Variants in ANO4 observed in about 807,000 individuals in gnomAD.
ANO4 encodes anoctamin-4.
In ANO4, 69 loss-of-function variants were observed where a neutral mutation model predicts 141.9. That is an observed-to-expected ratio of 0.49 (90% CI 0.40 to 0.59). The LOEUF is 0.59. ANO4 is among the 20% of genes least tolerant of loss of function. The pLI, the probability that ANO4 is intolerant of heterozygous loss-of-function variation, is 0.00. For missense variants in ANO4, 894 were observed against 1,162.2 expected, an observed-to-expected ratio of 0.77 and a Z score of 3.36; for synonymous variants, 350 against 394.3, an observed-to-expected ratio of 0.89 and a Z score of 1.33.
chr12:100,960,260 G>GCACACACA (rs56705970), intron 5 of ANO4, among the ~76,000 whole-genome samples: 2 of 149,896 alleles, frequency 1.3e-5, no homozygotes, highest in South Asian at 2.1e-4. Flanking sequence ...TCACACACAC[G>GCACACACA]CACACACACA....
In ANO4 at chr12:101,127,067, G is replaced by A. The variant is rs779812218; in HGVS notation, c.2865G>A (p.Pro955=). The A allele has an allele frequency of 2.1e-5, 34 of 1,611,864 alleles. No individual in the cohort carries two copies. The highest frequency in any genetic ancestry group is 6.7e-5 in the African/African-American group (5 of 74,874). Reference sequence around the variant, plus strand: ...GAAAAGCACACCACAACGAGTGGCCGTGACCATGTAGGTGAGAGGTGTGCT... The same window carrying A: ...GAAAAGCACACCACAACGAGTGGCCATGACCATGTAGGTGAGAGGTGTGCT... ...KNGKAHHNEW[P] is the part of the protein sequence containing the mutation. The change falls in exon 27 of 28, where the codon CCG becomes CCA. Residue 955 remains proline, a synonymous_variant. Transcript: ENST00000392977.
At chr12:100,801,153 G>A (rs2034664285) in intron 1 of ANO4, among the ~76,000 whole-genome samples, 1 of 151,816 alleles carries the variant, frequency 6.6e-6, no homozygotes, top group Non-Finnish European at 1.5e-5. Context: ...CTTGAGGGCA[G>A]GGACTATATG....
At chr12:100,926,639 T>A (rs2041884431) in intron 3 of ANO4, among the ~76,000 whole-genome samples, 1 of 151,888 alleles carries the variant, frequency 6.6e-6, no homozygotes, top group Non-Finnish European at 1.5e-5. Context: ...TTTGTTTCTT[T>A]TCGTTGATGT....
At chr12:100,806,583 C>T (rs1366153717) in intron 1 of ANO4, among the ~76,000 whole-genome samples, 1 of 105,804 alleles carries the variant, frequency 9.5e-6, no homozygotes, top group East Asian at 3.4e-4. Context: ...CTCGCTCTGT[C>T]ACCCAGGCTG....
At chr12:100,900,785 G>A (rs929311641) in intron 1 of ANO4, among the ~76,000 whole-genome samples, 1 of 152,146 alleles carries the variant, frequency 6.6e-6, no homozygotes, top group Non-Finnish European at 1.5e-5. Context: ...TTCTTCTGTA[G>A]TGAAGAATTT....
chr12:100,894,742 G>A (rs821856), intron 1 of ANO4, among the ~76,000 whole-genome samples: 47,230 of 151,618 alleles, frequency 0.31, 7,593 homozygotes, highest in East Asian at 0.53. Flanking sequence ...CGAGGCGGGC[G>A]GATCACGAGG....
intron 3 of ANO4, among the ~76,000 whole-genome samples, chr12:100,938,995 A>C (rs779100683): frequency 1.3e-5 from 2 of 152,210 alleles, no homozygotes; most frequent in Non-Finnish European, 2.9e-5. Context: ...CTTAAATCAA[A>C]GTACCTTATG....
At chr12:100,997,344 A>AAAG in intron 8 of ANO4, among the ~76,000 whole-genome samples, 1 of 151,520 alleles carries the variant, frequency 6.6e-6, no homozygotes, top group East Asian at 1.9e-4. Flanking sequence ...AAAAAAAAAA[A>AAAG]AAAAAAAGTG....
intron 3 of ANO4, among the ~76,000 whole-genome samples, chr12:100,925,846 T>C (rs4764772): frequency 0.31 from 46,030 of 148,180 alleles, 7,468 homozygotes; most frequent in South Asian, 0.46. Context: ...TACATATATA[T>C]ACACACACAC....
intron 1 of ANO4, among the ~76,000 whole-genome samples, chr12:100,821,847 G>A (rs2036072285): frequency 6.6e-6 from 1 of 151,976 alleles, no homozygotes. Flanking sequence ...GGCTGACATT[G>A]CCGTAGTATT....
intron 15 of ANO4, among the ~76,000 whole-genome samples, chr12:101,080,022 C>T (rs2049182620): frequency 6.6e-6 from 1 of 152,220 alleles, no homozygotes; most frequent in African/African-American, 2.4e-5. Context: ...CCACTCTCCT[C>T]CCTCTCGTTC....
intron 5 of ANO4, among the ~76,000 whole-genome samples, chr12:100,958,125 T>C (rs1488805322): frequency 6.6e-6 from 1 of 152,216 alleles, no homozygotes; most frequent in African/African-American, 2.4e-5. Context: ...CTTTGACTTA[T>C]TTGCCGGGCA....
intron 6 of ANO4, among the ~76,000 whole-genome samples, chr12:100,972,977 A>G (rs1053104915): frequency 6.6e-6 from 1 of 152,252 alleles, no homozygotes; most frequent in Non-Finnish European, 1.5e-5. Context: ...CACAGCAGAA[A>G]TGTGCTGCCT....
chr12:100,820,457 C>T (rs916497555), intron 1 of ANO4, among the ~76,000 whole-genome samples: 5 of 151,292 alleles, frequency 3.3e-5, no homozygotes, highest in Non-Finnish European at 7.4e-5. Context: ...TTTTTAAAAA[C>T]TCTGTGTTGA....
intron 2 of ANO4, among the ~76,000 whole-genome samples, chr12:100,734,295 G>A (rs531905133): frequency 1.3e-5 from 2 of 152,314 alleles, no homozygotes; most frequent in East Asian, 3.9e-4. Context: ...TTAGAGTGCT[G>A]CTGAAAATCA....
In ANO4 at chr12:101,077,379, A is replaced by G. The variant is rs559052931; in HGVS notation, c.1313-1814A>G. Among the ~76,000 whole-genome samples the G allele has an allele frequency of 4.6e-5, 7 of 152,306 alleles. No homozygotes were observed. In the South Asian group the frequency reaches 1.0e-3, roughly 23 times the overall value. On this transcript the variant is annotated intron_variant, in intron 14 of 27. Transcript: ENST00000392977. The stretch of plus-strand genomic sequence containing the variant: ...ACTGTAATAAATCTTAGCCATCAGT[A>G]CAACTGTATTCTGTGTCCTGTGAAT...
At position 101,120,516 on chromosome 12, in the gene ANO4, A is replaced by G. The variant is rs769544842; in HGVS notation, c.2571-4A>G. The G allele has an allele frequency of 1.2e-6, 2 of 1,612,404 alleles. No individual in the cohort carries two copies. Among genetic ancestry groups the G allele is most frequent in the Non-Finnish European group, 1.7e-6 (2 of 1,178,624 alleles). Reference sequence around the variant, plus strand: ...GAATGCAACATTTTTCTGTGTCTTTATAGATACCGGGACTACCGTGACCCG... The same window carrying G: ...GAATGCAACATTTTTCTGTGTCTTTGTAGATACCGGGACTACCGTGACCCG... On this transcript the variant is annotated splice_polypyrimidine_tract_variant and splice_region_variant and intron_variant, in intron 25 of 27. Transcript: ENST00000392977.
At chr12:100,968,816 C>T (rs536020918) in intron 5 of ANO4, among the ~76,000 whole-genome samples, 1 of 152,276 alleles carries the variant, frequency 6.6e-6, no homozygotes, top group East Asian at 1.9e-4. Flanking sequence ...CGTCCACAGG[C>T]ATGAAATGGG....
chr12:100,746,285 C>G (rs1293972493), intron 3 of ANO4, among the ~76,000 whole-genome samples: 1 of 152,060 alleles, frequency 6.6e-6, no homozygotes, highest in Admixed American at 6.5e-5. Flanking sequence ...GAAACCCCAT[C>G]TCTACTAAAA....
Sources: gnomAD v4.1 joint callset for allele counts (sites outside exome capture counted in the v4.1 genomes callset) on GRCh38, gnomAD v4.1.1 for gene constraint, MANE v1.5 for transcripts, NCBI Gene and HGNC (gene_info 2026-07-23, HGNC 2026-07-21) for gene names.